Variants in SAMMSON observed in about 807,000 individuals in gnomAD.
SAMMSON encodes the protein survival associated mitochondrial melanoma specific oncogenic non-coding RNA.
intron 4 of SAMMSON, among the ~76,000 whole-genome samples, chr3:70,154,425 TG>T (rs1392225808): frequency 6.6e-6 from 1 of 152,028 alleles, no homozygotes; most frequent in Non-Finnish European, 1.5e-5. Flanking sequence ...CCAGGCTGTC[TG>T]GTCCCAGAGG....
intron 4 of SAMMSON, among the ~76,000 whole-genome samples, chr3:70,222,857 A>G (rs1701473126): frequency 1.3e-5 from 2 of 152,184 alleles, no homozygotes. Flanking sequence ...TTTTAAAGGA[A>G]TGCTATTTGC....
intron 6 of SAMMSON, among the ~76,000 whole-genome samples, chr3:70,259,801 G>A (rs1203125305): frequency 6.6e-6 from 1 of 152,118 alleles, no homozygotes; most frequent in Non-Finnish European, 1.5e-5. Flanking sequence ...CATTTATAAA[G>A]GAAAGAGGTT....
chr3:70,141,181 A>G (rs2067526255), intron 4 of SAMMSON, among the ~76,000 whole-genome samples: 1 of 152,212 alleles, frequency 6.6e-6, no homozygotes, highest in South Asian at 2.1e-4. Flanking sequence ...CTCCAGAGAA[A>G]AAGAACTAAT....
At chr3:70,406,389 G>C (rs192086406) in intron 2 of SAMMSON, among the ~76,000 whole-genome samples, 2 of 152,134 alleles carry the variant, frequency 1.3e-5, no homozygotes, top group Admixed American at 1.3e-4. Flanking sequence ...GAGAGAATTT[G>C]TGCTAACAGA....
chr3:70,160,133 C>T (rs894130784), intron 4 of SAMMSON, among the ~76,000 whole-genome samples: 2 of 151,792 alleles, frequency 1.3e-5, no homozygotes, highest in African/African-American at 4.8e-5. Flanking sequence ...GAAGTACAAA[C>T]ATTTTGAATT....
At chr3:70,395,265 G>A (rs1474135081) in intron 2 of SAMMSON, among the ~76,000 whole-genome samples, 2 of 150,932 alleles carry the variant, frequency 1.3e-5, no homozygotes, top group East Asian at 3.9e-4. Context: ...GCAAGTCAAG[G>A]TAGGGAGGAA....
At chr3:70,226,330 G>A (rs773898480) in intron 4 of SAMMSON, among the ~76,000 whole-genome samples, 7 of 152,114 alleles carry the variant, frequency 4.6e-5, no homozygotes, top group Non-Finnish European at 8.8e-5. Context: ...GTGATGAGAC[G>A]TATAACAGAG....
At chr3:70,103,249 A>C (rs1279555069) in intron 4 of SAMMSON, among the ~76,000 whole-genome samples, 1 of 152,208 alleles carries the variant, frequency 6.6e-6, no homozygotes, top group Non-Finnish European at 1.5e-5. Context: ...AAATTAAAAA[A>C]CAAAGCAAAC....
chr3:70,235,088 G>C (rs960773350), intron 4 of SAMMSON, among the ~76,000 whole-genome samples: 1 of 152,134 alleles, frequency 6.6e-6, no homozygotes, highest in Non-Finnish European at 1.5e-5. Flanking sequence ...GAATGTCCTT[G>C]TTCCTTTATG....
intron 4 of SAMMSON, among the ~76,000 whole-genome samples, chr3:70,121,334 C>T (rs564003111): frequency 1.3e-5 from 2 of 152,216 alleles, no homozygotes; most frequent in South Asian, 2.1e-4. Flanking sequence ...AGAATGCAGC[C>T]TTTCATCTCC....
At chr3:70,173,879 G>A (rs1465986917) in intron 4 of SAMMSON, among the ~76,000 whole-genome samples, 1 of 151,778 alleles carries the variant, frequency 6.6e-6, no homozygotes, top group African/African-American at 2.4e-5. Context: ...CATTTAAGTT[G>A]CAGGGAAATA....
chr3:70,023,284 G>A (rs529600412), intron 3 of SAMMSON, among the ~76,000 whole-genome samples: 42 of 151,554 alleles, frequency 2.8e-4, no homozygotes, highest in African/African-American at 6.8e-4. Context: ...GCGAAACCCC[G>A]TCTCTAGTAA....
chr3:70,168,896 A>G (rs1474894641), intron 4 of SAMMSON, among the ~76,000 whole-genome samples: 1 of 151,982 alleles, frequency 6.6e-6, no homozygotes, highest in African/African-American at 2.4e-5. Context: ...CTGACACCTC[A>G]TTCAAATTCT....
At chr3:70,131,091 C>T (rs934276284) in intron 4 of SAMMSON, among the ~76,000 whole-genome samples, 1 of 152,152 alleles carries the variant, frequency 6.6e-6, no homozygotes, top group Non-Finnish European at 1.5e-5. Flanking sequence ...CTGCAAGTAA[C>T]AGAAACTTAA....
At chr3:70,395,757 A>C (rs930909989) in intron 2 of SAMMSON, among the ~76,000 whole-genome samples, 45 of 152,112 alleles carry the variant, frequency 3.0e-4, no homozygotes, top group African/African-American at 1.1e-3. Flanking sequence ...AAATAAGCTC[A>C]TGGTGAAGTA....
intron 4 of SAMMSON, chr3:70,172,895 C>A (rs543410196): frequency 6.6e-6 from 1 of 151,844 alleles, no homozygotes; most frequent in Admixed American, 6.6e-5. Context: ...TTTAACTGTT[C>A]GTTTTTAATA....
At position 70,298,674 on chromosome 3, in the gene SAMMSON, AC is replaced by A. The variant is rs201493699; in HGVS notation, n.739+7435del. Among the ~76,000 whole-genome samples, 12 of 152,212 alleles carry A rather than the reference AC, an allele frequency of 7.9e-5. No homozygotes were observed. The East Asian group carries it at 2.1e-3, about 27-fold the overall frequency. On this transcript the variant is annotated intron_variant and non_coding_transcript_variant, in intron 7 of 9. Transcript: ENST00000642114. ...CTGAATGAGTAATAGGTTTAAAAATACCCCAGCTATATTGACTTGCCCAAAC... is the reference window on the plus strand; with the variant it reads ...CTGAATGAGTAATAGGTTTAAAAATACCCAGCTATATTGACTTGCCCAAAC...
chr3:70,019,181 G>T (rs1190147839), intron 3 of SAMMSON, among the ~76,000 whole-genome samples: 1 of 152,146 alleles, frequency 6.6e-6, no homozygotes, highest in African/African-American at 2.4e-5. Flanking sequence ...TGACAGTGGG[G>T]TGTTAAAGTC....
chr3:70,043,225 G>A (rs149714481), intron 3 of SAMMSON, among the ~76,000 whole-genome samples: 5 of 152,146 alleles, frequency 3.3e-5, no homozygotes, highest in East Asian at 1.9e-4. Flanking sequence ...TGATAAAACC[G>A]AAAGCATCCT....
Sources: allele counts gnomAD v4.1 joint callset (sites outside exome capture counted in the v4.1 genomes callset), GRCh38; gene constraint gnomAD v4.1.1; transcripts MANE v1.5; gene names NCBI Gene and HGNC (gene_info 2026-07-23, HGNC 2026-07-21).